The following SKAP2 variants were observed in gnomAD, a reference collection of about 807,000 sequenced individuals.
SKAP2 encodes the protein src kinase associated phosphoprotein 2, also known as src kinase-associated phosphoprotein 2.
SKAP2 carries 28 observed loss-of-function variants against 54.9 expected under a neutral mutation model. The observed-to-expected ratio is 0.51, with a 90% confidence interval of 0.38 to 0.70. The LOEUF is 0.70. SKAP2 is among the 30% of genes least tolerant of loss of function. The pLI, the probability that SKAP2 is intolerant of heterozygous loss-of-function variation, is 0.00. For synonymous variants in SKAP2, 137 were observed against 134.3 expected (o/e 1.02, Z -0.14); for missense variants, 356 against 424.1 (o/e 0.84, Z 1.41).
At chr7:26,689,025 T>C (rs1456099202) in intron 10 of SKAP2, among the ~76,000 whole-genome samples, 1 of 152,214 alleles carries the variant, frequency 6.6e-6, no homozygotes, top group Non-Finnish European at 1.5e-5. Context: ...AAGATTTTGT[T>C]CTCGCTTCCT....
At chr7:26,841,042 A>G (rs1385019165) in intron 4 of SKAP2, among the ~76,000 whole-genome samples, 2 of 152,102 alleles carry the variant, frequency 1.3e-5, no homozygotes, top group Non-Finnish European at 2.9e-5. Flanking sequence ...TCAATAAGGT[A>G]CTTTTTTCCA....
At chr7:26,735,658 T>C (rs1451994761) in intron 6 of SKAP2, among the ~76,000 whole-genome samples, 1 of 152,172 alleles carries the variant, frequency 6.6e-6, no homozygotes, top group African/African-American at 2.4e-5. Context: ...AAATCCTACT[T>C]AGTTGGAGGA....
chr7:26,788,936 C>T (rs139556808), intron 4 of SKAP2, among the ~76,000 whole-genome samples: 184 of 152,134 alleles, frequency 1.2e-3, no homozygotes, highest in Admixed American at 3.5e-3. Flanking sequence ...AAAATGACTC[C>T]GCACTAAGAA....
rs554179258 is a variant in SKAP2 at position 26,776,049 on chromosome 7, G to A, written c.308-36085C>T. ...CTCATATGCTGATTGCATATTCAATGGACAATTTTTAGTACTTACCTTTCT... is the reference window on the plus strand; with the variant it reads ...CTCATATGCTGATTGCATATTCAATAGACAATTTTTAGTACTTACCTTTCT... On this transcript the variant is annotated intron_variant, in intron 4 of 12. Coordinates refer to ENST00000345317, the MANE Select transcript of SKAP2 (RefSeq NM_003930.5). Among the ~76,000 whole-genome samples, 3 of 152,100 alleles carry A rather than the reference G, an allele frequency of 2.0e-5. No homozygotes were observed. The South Asian group carries it at 6.2e-4, about 32-fold the overall frequency.
At chr7:26,776,304 T>C (rs1304800333) in intron 4 of SKAP2, among the ~76,000 whole-genome samples, 1 of 152,168 alleles carries the variant, frequency 6.6e-6, no homozygotes, top group East Asian at 1.9e-4. Context: ...CCCACACTTA[T>C]AACTTCTATT....
intron 4 of SKAP2, among the ~76,000 whole-genome samples, chr7:26,836,460 T>C (rs892436536): frequency 6.6e-6 from 1 of 152,186 alleles, no homozygotes; most frequent in South Asian, 2.1e-4. Flanking sequence ...AAAGGGCTAA[T>C]ATGCAGAATC....
the SKAP2 span, among the ~76,000 whole-genome samples, chr7:26,657,799 A>G: frequency 3.1e-5 from 4 of 128,304 alleles, no homozygotes; most frequent in South Asian, 1.0e-3. Flanking sequence ...GTATTTTGCA[A>G]TTGAATTCAA....
chr7:26,854,961 A>T, intron 1 of SKAP2, 71 bp from the exon 2 acceptor site: 1 of 1,081,344 alleles, frequency 9.2e-7, no homozygotes, highest in East Asian at 2.5e-5. Flanking sequence ...TAAATAGGAC[A>T]ATGATTGTTT....
Position 26,756,760 on chromosome 7 carries a change from C to T in SKAP2, c.308-16796G>A, listed in dbSNP as rs538669412. Among the ~76,000 whole-genome samples, 7 of 152,310 alleles carry T rather than the reference C, an allele frequency of 4.6e-5. No homozygotes were observed. In the South Asian group the frequency reaches 8.3e-4, roughly 18 times the overall value. ...GATCCTTGAGGAATCACCACACTGTCTTCCACAATGGTTGAACTAGTTTAC... is the reference window on the plus strand; with the variant it reads ...GATCCTTGAGGAATCACCACACTGTTTTCCACAATGGTTGAACTAGTTTAC... On this transcript the variant is annotated intron_variant, in intron 4 of 12. Coordinates refer to ENST00000345317, the MANE Select transcript of SKAP2 (RefSeq NM_003930.5).
chr7:26,771,831 A>C (rs963120207), intron 4 of SKAP2, among the ~76,000 whole-genome samples: 18 of 152,196 alleles, frequency 1.2e-4, no homozygotes, highest in African/African-American at 4.3e-4. Context: ...TATTCTTTGA[A>C]TATGTAGCTA....
chr7:26,825,344 G>GT (rs904297989), intron 4 of SKAP2, among the ~76,000 whole-genome samples: 16 of 151,428 alleles, frequency 1.1e-4, no homozygotes, highest in African/African-American at 3.6e-4. Context: ...TGCCTCAATT[G>GT]TTTTTTACTA....
chr7:26,812,362 C>T (rs1355455144), intron 4 of SKAP2, among the ~76,000 whole-genome samples: 1 of 152,104 alleles, frequency 6.6e-6, no homozygotes, highest in Non-Finnish European at 1.5e-5. Context: ...CCCTAAATCC[C>T]AAAACATGTT....
intron 4 of SKAP2, among the ~76,000 whole-genome samples, chr7:26,795,161 T>G (rs1783748408): frequency 6.6e-6 from 1 of 152,226 alleles, no homozygotes; most frequent in Admixed American, 6.5e-5. Flanking sequence ...ACACAGTATT[T>G]GCTTCAGTTT....
chr7:26,759,853 A>G (rs1042756126), intron 4 of SKAP2, among the ~76,000 whole-genome samples: 3 of 152,194 alleles, frequency 2.0e-5, no homozygotes, highest in African/African-American at 7.2e-5. Context: ...GTAGAGAACC[A>G]TTTAAAGAAT....
At chr7:26,807,127 G>A (rs75466575) in intron 4 of SKAP2, among the ~76,000 whole-genome samples, 5 of 152,298 alleles carry the variant, frequency 3.3e-5, no homozygotes, top group East Asian at 1.9e-4. Flanking sequence ...GGTTTCTTGC[G>A]ATGGAATCTA....
chr7:26,854,813 T>C lies in SKAP2; in HGVS notation c.145A>G (p.Ile49Val), dbSNP rs151047705. 7.5e-6 allele frequency: 12 copies of C among 1,601,630 alleles called. No individual in the cohort carries two copies. In the African/African-American group the frequency reaches 1.2e-4, roughly 16 times the overall value. ...KKAKEKRESL[I>V]KKIKDVKSIY... ...GACTTTACATCTTTTATCTTCTTAA[T>C]AAGGGATTCTCTCTTTTCCTTTGCT... Residue 49 changes from isoleucine (I) to valine (V), a missense_variant, in exon 2 of 13, where the codon ATT (isoleucine) becomes GTT (valine). Transcript: ENST00000345317.
intron 4 of SKAP2, among the ~76,000 whole-genome samples, chr7:26,754,023 C>T (rs925773452): frequency 3.3e-5 from 5 of 151,968 alleles, no homozygotes; most frequent in African/African-American, 9.7e-5. Context: ...TGGGACAGAA[C>T]GTATAATATA....
chr7:26,834,353 C>T (rs1784662167), intron 4 of SKAP2, among the ~76,000 whole-genome samples: 1 of 152,036 alleles, frequency 6.6e-6, no homozygotes, highest in Admixed American at 6.6e-5. Context: ...CAGAGCAGAA[C>T]TGAAGGAGAT....
At chr7:26,799,599 A>G (rs1289817571) in intron 4 of SKAP2, among the ~76,000 whole-genome samples, 1 of 152,226 alleles carries the variant, frequency 6.6e-6, no homozygotes, top group Non-Finnish European at 1.5e-5. Flanking sequence ...ATAGGCCCTG[A>G]TACAATAATA....
Sources: gnomAD v4.1 joint callset for allele counts (sites outside exome capture counted in the v4.1 genomes callset) on GRCh38, gnomAD v4.1.1 for gene constraint, MANE v1.5 for transcripts, NCBI Gene and HGNC (gene_info 2026-07-23, HGNC 2026-07-21) for gene names.